The following RAPGEF1 variants were observed in gnomAD, a reference collection of about 807,000 sequenced individuals.
RAPGEF1 encodes the protein Rap guanine nucleotide exchange factor 1.
A neutral mutation model predicts 143.3 loss-of-function variants in RAPGEF1; 33 were observed. The observed-to-expected ratio is 0.23, with a 90% confidence interval of 0.17 to 0.31. The LOEUF (loss-of-function observed/expected upper bound fraction) is 0.31, where lower values mean the gene tolerates loss of function less well. RAPGEF1 is among the 10% of genes least tolerant of loss of function. The probability of loss-of-function intolerance (pLI) is 1.00; values close to 1 mark genes in which losing one functional copy is unlikely to be tolerated. For synonymous variants in RAPGEF1, 629 were observed against 676.5 expected, an observed-to-expected ratio of 0.93 and a Z score of 1.09; for missense variants, 1,199 against 1,645.4, an observed-to-expected ratio of 0.73 and a Z score of 4.69.
At chr9:131,713,902 GATACA>G (rs1224201459) in intron 1 of RAPGEF1, among the ~76,000 whole-genome samples, 2 of 152,076 alleles carry the variant, frequency 1.3e-5, no homozygotes, top group Non-Finnish European at 2.9e-5. Context: ...CCAAGCTTTA[GATACA>G]ATACATTGAA....
chr9:131,650,232 T>C lies in RAPGEF1; in HGVS notation c.212A>G (p.Asp71Gly), dbSNP rs1459408314. ...AGGGTAGCCCTCTGGTAGAAATCTGTCTGTTGCCTCCTGGAAGAGAGGAAA... is the reference window on the plus strand; with the variant it reads ...AGGGTAGCCCTCTGGTAGAAATCTGCCTGTTGCCTCCTGGAAGAGAGGAAA... ...PEKPVNKEATDRFLPEGYPLP... is the reference protein window; with the variant it reads ...PEKPVNKEATGRFLPEGYPLP... Residue 71 changes from aspartate (D) to glycine (G), a missense_variant, in exon 3 of 27, where the codon GAC becomes GGC. Transcript: ENST00000683357. This position sits in a 1 kb window ranked among gnomAD's most constrained non-coding sequence, Gnocchi z 4.7. 3.1e-6 allele frequency: 5 copies of C among 1,612,056 alleles called. No individual in the cohort carries two copies. Among genetic ancestry groups the C allele is most frequent in the African/African-American group, 2.7e-5 (2 of 74,896 alleles).
At chr9:131,671,943 C>T (rs985349866) in intron 1 of RAPGEF1, among the ~76,000 whole-genome samples, 10 of 152,232 alleles carry the variant, frequency 6.6e-5, no homozygotes, top group South Asian at 2.1e-4. Context: ...AGGCTAATAT[C>T]GTTTCACGAA....
At chr9:131,712,453 G>A (rs567284925) in intron 1 of RAPGEF1, among the ~76,000 whole-genome samples, 12 of 149,344 alleles carry the variant, frequency 8.0e-5, no homozygotes, top group African/African-American at 2.5e-4. Context: ...AAGAGTCAGA[G>A]GGTATGGGCG....
intron 1 of RAPGEF1, among the ~76,000 whole-genome samples, chr9:131,672,723 T>C (rs1831613674): frequency 6.6e-6 from 1 of 152,140 alleles, no homozygotes; most frequent in Non-Finnish European, 1.5e-5. Flanking sequence ...TCTAATCTCA[T>C]CTCAGATCAG....
chr9:131,737,520 A>C (rs1415707084), intron 1 of RAPGEF1: 1 of 1,612,542 alleles, frequency 6.2e-7, no homozygotes, highest in Non-Finnish European at 8.5e-7. Context: ...CCCTAGCAGA[A>C]GGCGGTGCCC....
At position 131,582,363 on chromosome 9, in the gene RAPGEF1, C is replaced by T. The variant is rs562181556; in HGVS notation, c.3512+242G>A. 4.6e-5 allele frequency among the ~76,000 whole-genome samples: 7 copies of T among 151,750 alleles called. No homozygotes were observed. In the East Asian group the frequency reaches 9.7e-4, roughly 21 times the overall value. On this transcript the variant is annotated intron_variant, in intron 25 of 26. Transcript: ENST00000683357. Reference sequence around the variant, plus strand: ...CTGGGAAAGGAGAACCCGTATTCTTCACCTGAGCGCTTCTTTTCTGTTTAA... The same window carrying T: ...CTGGGAAAGGAGAACCCGTATTCTTTACCTGAGCGCTTCTTTTCTGTTTAA...
At position 131,628,632 on chromosome 9, in the gene RAPGEF1, G is replaced by T. The variant is rs746924191; in HGVS notation, c.934C>A (p.Pro312Thr). The change falls in exon 8 of 27, where the codon CCG becomes ACG. Residue 312 changes from proline to threonine, a missense_variant. This residue lies in a region of RAPGEF1 where 613 missense variants were observed against 710.9 expected (regional missense o/e 0.86). Transcript: ENST00000683357. This position sits in a 1 kb window ranked among gnomAD's most constrained non-coding sequence, Gnocchi z 5.7. ...ACCACAGCCACTCGGGTAGGGGACG[G>T]CGCCGACTGTCTTTTCTTGGGTGGC... is the stretch of plus-strand genomic sequence containing the variant. ...ALPPKKRQSA[P>T]SPTRVAVVAP... 6.2e-6 allele frequency: 10 copies of T among 1,611,084 alleles called. No homozygotes were observed. Among genetic ancestry groups the T allele is most frequent in the Non-Finnish European group, 8.5e-6 (10 of 1,177,660 alleles).
Position 131,739,797 on chromosome 9 carries a change from C to A in RAPGEF1, c.34G>T (p.Glu12Ter). The A allele has an allele frequency of 8.6e-7, 1 of 1,162,580 alleles. No individual in the cohort carries two copies. The allele number at this position is 1,162,580 out of a possible 1,614,324, so 72.0% of individuals were successfully genotyped here. A position where few individuals can be genotyped will look rare whatever the true frequency, so the allele number is the denominator to read the frequency against. Reference sequence around the variant, plus strand: ...GCTTTCTCGATCTTGCCGGACATTTCCGGGCTGCGCCGGAGGCCGAGGCCG... The same window carrying A: ...GCTTTCTCGATCTTGCCGGACATTTACGGGCTGCGCCGGAGGCCGAGGCCG... ...SGGLGLRRSPEMSGKIEKADS... is the reference protein window; with the variant it reads ...SGGLGLRRSP The change falls in exon 1 of 27, where the codon GAA becomes TAA. Residue 12 changes from glutamate (E) to a stop codon, truncating the protein, a stop_gained. Coordinates refer to ENST00000683357, the MANE Select transcript of RAPGEF1 (RefSeq NM_001377935.1). LOFTEE classifies it high-confidence loss of function.
intron 1 of RAPGEF1, among the ~76,000 whole-genome samples, chr9:131,657,630 G>A (rs562642286): frequency 1.3e-5 from 2 of 152,282 alleles, no homozygotes; most frequent in East Asian, 1.9e-4. Context: ...AGTGGCTACT[G>A]AGGCCTGATT....
chr9:131,735,260 C>G (rs1837342004), intron 1 of RAPGEF1, among the ~76,000 whole-genome samples: 1 of 152,226 alleles, frequency 6.6e-6, no homozygotes. Context: ...CAAGGACCTT[C>G]TTCCCTTCAG....
chr9:131,671,640 T>C (rs932524434), intron 1 of RAPGEF1, among the ~76,000 whole-genome samples: 1 of 152,062 alleles, frequency 6.6e-6, no homozygotes. Flanking sequence ...GCTGAGGACA[T>C]GTGGGGGTCA....
At chr9:131,731,981 T>TG (rs1220642020) in intron 1 of RAPGEF1, among the ~76,000 whole-genome samples, 2 of 151,764 alleles carry the variant, frequency 1.3e-5, no homozygotes, top group African/African-American at 4.8e-5. Context: ...GAGAAGAAAG[T>TG]GGGAGAAAGG....
At chr9:131,592,026 G>A in intron 18 of RAPGEF1, 73 bp downstream of exon 18, 1 of 1,212,816 alleles carries the variant, frequency 8.2e-7, no homozygotes, top group Non-Finnish European at 1.2e-6. Context: ...CACGAGGACT[G>A]AAGGGCAAGA....
rs539844465 is a variant in RAPGEF1, at chr9:131,588,814, C to T, written c.3040G>A (p.Gly1014Arg). ...TGGGCTTCTCACCTGGCTGCTACCC[C>T]CCGGGCTGCCAGGGGCTGGCTGGAG... ...ATSSQPLAAR[G>R]VAARPGTLHD... Residue 1014 changes from glycine (G) to arginine (R), a missense_variant, in exon 20 of 27, where the codon GGG becomes AGG. Physicochemically the swap from Gly to Arg is moderately radical, Grantham distance 125. Transcript: ENST00000683357. The T allele has an allele frequency of 1.7e-5, 28 of 1,612,820 alleles. No homozygotes were observed. Among genetic ancestry groups the T allele is most frequent in the Admixed American group, 5.0e-5 (3 of 59,850 alleles).
intron 1 of RAPGEF1, among the ~76,000 whole-genome samples, chr9:131,736,244 C>G (rs1837407590): frequency 6.6e-6 from 1 of 152,166 alleles, no homozygotes; most frequent in Admixed American, 6.5e-5. Context: ...CTGTCCAGCT[C>G]TCTTCTACTC....
rs1830693498 is a variant in RAPGEF1 at position 131,667,924 on chromosome 9, T to A, written c.62-16975A>T. On this transcript the variant is annotated intron_variant, in intron 1 of 26. Transcript: ENST00000683357. The surrounding 1 kb of genome is among the most constrained non-coding windows in gnomAD (Gnocchi z 4.6). ...CACTAAGCCCAGTCCTGGCACTTAG[T>A]TAACATTCATAAATGTCATCTGTGG... 6.6e-6 allele frequency among the ~76,000 whole-genome samples: 1 copy of A among 152,220 alleles called. No homozygotes were observed. The highest frequency in any genetic ancestry group is 2.4e-5 in the African/African-American group (1 of 41,458).
chr9:131,733,592 C>T (rs1461111894), intron 1 of RAPGEF1, among the ~76,000 whole-genome samples: 5 of 152,148 alleles, frequency 3.3e-5, no homozygotes, highest in Non-Finnish European at 7.4e-5. Flanking sequence ...AATTCACAAA[C>T]GGTGGGTTTT....
chr9:131,624,748 T>C (rs922001541), intron 10 of RAPGEF1, among the ~76,000 whole-genome samples: 5 of 152,206 alleles, frequency 3.3e-5, no homozygotes, highest in Non-Finnish European at 7.3e-5. Flanking sequence ...GGCAGTGCCA[T>C]TGCACACCCC....
intron 1 of RAPGEF1, among the ~76,000 whole-genome samples, chr9:131,712,893 A>C (rs375033342): frequency 1.3e-5 from 2 of 152,196 alleles, no homozygotes; most frequent in East Asian, 1.9e-4. Flanking sequence ...AGAATAACCT[A>C]ATCTTAAGAA....
Sources: gnomAD v4.1 joint callset for allele counts (sites outside exome capture counted in the v4.1 genomes callset) on GRCh38, gnomAD v4.1.1 for gene constraint, gnomAD v4.1.1 regional missense constraint, Gnocchi (gnomAD v3.1) non-coding constraint, MANE v1.5 for transcripts, NCBI Gene and HGNC (gene_info 2026-07-23, HGNC 2026-07-21) for gene names.